The following FHIT variants were observed in gnomAD, a reference collection of about 807,000 sequenced individuals.
FHIT encodes bis(5'-adenosyl)-triphosphatase.
Under a neutral mutation model 17.9 loss-of-function variants are expected in FHIT, and 19 were observed. The observed-to-expected ratio is 1.06, with a 90% confidence interval of 0.74 to 1.56. The LOEUF is 1.56. Ranked by LOEUF, FHIT falls within the 40% of genes most tolerant of loss-of-function variation. The pLI is 0.00. For synonymous variants in FHIT, 81 were observed against 69.7 expected, an observed-to-expected ratio of 1.16 and a Z score of -0.81; for missense variants, 248 against 189.2, an observed-to-expected ratio of 1.31 and a Z score of -1.82.
intron 3 of FHIT, among the ~76,000 whole-genome samples, chr3:60,963,954 C>T (rs1559870807): frequency 6.6e-6 from 1 of 152,098 alleles, no homozygotes; most frequent in Non-Finnish European, 1.5e-5. Flanking sequence ...GGTCCACCTG[C>T]TGCAGAGCTG....
chr3:60,029,121 C>T lies in FHIT; in HGVS notation c.104-14969G>A, dbSNP rs139827378. ...ACAGTGTACTAAATTAGTATTAGTTCGTTTTTTACTTCTTTCATTATATTT... is the reference window on the plus strand; with the variant it reads ...ACAGTGTACTAAATTAGTATTAGTTTGTTTTTTACTTCTTTCATTATATTT... On this transcript the variant is annotated intron_variant, in intron 5 of 9. Transcript: ENST00000492590. 8.5e-5 allele frequency among the ~76,000 whole-genome samples: 13 copies of T among 152,214 alleles called. No individual in the cohort carries two copies. The South Asian group carries it at 1.2e-3, about 15-fold the overall frequency.
At chr3:59,881,482 A>G (rs1703408210) in intron 8 of FHIT, among the ~76,000 whole-genome samples, 1 of 152,210 alleles carries the variant, frequency 6.6e-6, no homozygotes, top group African/African-American at 2.4e-5. Context: ...TTCAAACTTC[A>G]GAGCATCACA....
At chr3:60,710,870 G>T (rs2041508645) in intron 4 of FHIT, among the ~76,000 whole-genome samples, 2 of 152,320 alleles carry the variant, frequency 1.3e-5, no homozygotes, top group Middle Eastern at 3.4e-3. Flanking sequence ...AAAGACAGCA[G>T]TAACCTCTGC....
At chr3:60,633,843 T>G (rs868977882) in intron 4 of FHIT, among the ~76,000 whole-genome samples, 1 of 152,216 alleles carries the variant, frequency 6.6e-6, no homozygotes, top group Non-Finnish European at 1.5e-5. Flanking sequence ...AGAGCGCCTC[T>G]GCGGACACCA....
intron 2 of FHIT, among the ~76,000 whole-genome samples, chr3:61,171,301 AT>A (rs1478247211): frequency 6.6e-6 from 1 of 151,924 alleles, no homozygotes; most frequent in African/African-American, 2.4e-5. Flanking sequence ...TATGGGGTTC[AT>A]TTTTTCCTTG....
chr3:60,071,424 C>G (rs1702765009), intron 5 of FHIT, among the ~76,000 whole-genome samples: 1 of 152,198 alleles, frequency 6.6e-6, no homozygotes, highest in Admixed American at 6.5e-5. Flanking sequence ...CTACCGGGCA[C>G]TGCAACCGTG....
intron 5 of FHIT, among the ~76,000 whole-genome samples, chr3:60,352,434 C>G (rs1699452624): frequency 6.6e-6 from 1 of 152,158 alleles, no homozygotes; most frequent in Admixed American, 6.5e-5. Flanking sequence ...TATCTTGCTT[C>G]AAGCAGCATG....
At chr3:60,124,020 A>AGG in intron 5 of FHIT, among the ~76,000 whole-genome samples, 1 of 82,602 alleles carries the variant, frequency 1.2e-5, no homozygotes, top group South Asian at 5.1e-4. Context: ...AGAGAGAGAG[A>AGG]GAGAGAGAGA....
chr3:60,235,485 C>G (rs1004118616), intron 5 of FHIT, among the ~76,000 whole-genome samples: 7 of 152,138 alleles, frequency 4.6e-5, no homozygotes, highest in African/African-American at 1.4e-4. Context: ...TGGCCTCAGC[C>G]CCCAAAGTGC....
At chr3:60,325,060 C>T (rs10510838) in intron 5 of FHIT, among the ~76,000 whole-genome samples, 18,309 of 151,870 alleles carry the variant, frequency 0.12, 1,397 homozygotes, top group Non-Finnish European at 0.16. Flanking sequence ...TTAATATTTT[C>T]CAAAGAGCAG....
chr3:60,744,350 T>G (rs2042314193), intron 4 of FHIT, among the ~76,000 whole-genome samples: 1 of 150,720 alleles, frequency 6.6e-6, no homozygotes, highest in African/African-American at 2.4e-5. Context: ...AAATAAGATA[T>G]TTCACATTTC....
intron 3 of FHIT, among the ~76,000 whole-genome samples, chr3:60,915,426 G>A (rs1172559972): frequency 6.6e-6 from 1 of 152,128 alleles, no homozygotes; most frequent in African/African-American, 2.4e-5. Context: ...ACTTCTATTT[G>A]TTGTTGAAAA....
At chr3:60,436,118 G>C (rs911293251) in intron 5 of FHIT, among the ~76,000 whole-genome samples, 7 of 151,982 alleles carry the variant, frequency 4.6e-5, no homozygotes, top group Admixed American at 4.6e-4. Flanking sequence ...TCTTGGCTCA[G>C]CTCACTGCAA....
At chr3:59,883,243 A>C (rs1299129922) in intron 8 of FHIT, among the ~76,000 whole-genome samples, 1 of 152,194 alleles carries the variant, frequency 6.6e-6, no homozygotes. Context: ...ATGTCACTAC[A>C]TTTTACTATT....
chr3:60,601,471 C>T (rs982388335), intron 4 of FHIT, among the ~76,000 whole-genome samples: 49 of 152,222 alleles, frequency 3.2e-4, no homozygotes, highest in African/African-American at 1.1e-3. Context: ...CAGCAGCTAG[C>T]CCTCAAACCA....
chr3:60,667,297 A>G (rs1452013213), intron 4 of FHIT, among the ~76,000 whole-genome samples: 2 of 151,450 alleles, frequency 1.3e-5, no homozygotes, highest in African/African-American at 4.9e-5. Context: ...TTTTCAGTCT[A>G]TTTTTGGTCT....
chr3:59,773,343 G>C (rs1472301822), intron 8 of FHIT, among the ~76,000 whole-genome samples: 1 of 152,174 alleles, frequency 6.6e-6, no homozygotes, highest in East Asian at 1.9e-4. Flanking sequence ...GGGAGTCACA[G>C]AAAGGGGGTA....
chr3:60,278,958 T>C (rs1285606655), intron 5 of FHIT, among the ~76,000 whole-genome samples: 1 of 151,990 alleles, frequency 6.6e-6, no homozygotes, highest in Non-Finnish European at 1.5e-5. Context: ...ATCAATAATC[T>C]AAACTTCTGT....
intron 4 of FHIT, among the ~76,000 whole-genome samples, chr3:60,639,994 C>T (rs1553684922): frequency 6.6e-6 from 1 of 152,148 alleles, no homozygotes; most frequent in Non-Finnish European, 1.5e-5. Context: ...CACTATTCTC[C>T]AAGTCATTAT....
Sources: gnomAD v4.1 joint callset for allele counts (sites outside exome capture counted in the v4.1 genomes callset) on GRCh38, gnomAD v4.1.1 for gene constraint, MANE v1.5 for transcripts, NCBI Gene and HGNC (gene_info 2026-07-23, HGNC 2026-07-21) for gene names.